The following AOAH variants were observed in gnomAD, a reference collection of about 807,000 sequenced individuals.
AOAH encodes the protein acyloxyacyl hydrolase (neutrophil).
Under a neutral mutation model 92.2 loss-of-function variants are expected in AOAH, and 64 were observed. That is an observed-to-expected ratio of 0.69 (90% CI 0.57 to 0.86). The LOEUF (loss-of-function observed/expected upper bound fraction) is 0.86, where lower values mean the gene tolerates loss of function less well. Ranked by LOEUF, AOAH falls within the 40% of genes least tolerant of loss-of-function variation. The pLI is 0.00. For missense variants in AOAH, 656 were observed against 694.6 expected (o/e 0.94, Z 0.62); for synonymous variants, 263 against 254.5 (o/e 1.03, Z -0.32).
Position 36,558,424 on chromosome 7 carries a change from C to T in AOAH, c.1022-8949G>A, listed in dbSNP as rs536162876. On this transcript the variant is annotated intron_variant, in intron 13 of 20. Transcript: ENST00000617537. ...GGGGGTGCCTCCCAGTTAGGCTGCT[C>T]GGGGGTCAGGGGTCAGGGACCTACT... 5.4e-3 allele frequency among the ~76,000 whole-genome samples: 826 copies of T among 152,052 alleles called. 6 individuals carry two copies. Among genetic ancestry groups the T allele is most frequent in the Middle Eastern group, 0.041 (12 of 294 alleles).
chr7:36,687,040 T>C (rs1797073189), intron 1 of AOAH, among the ~76,000 whole-genome samples: 1 of 152,162 alleles, frequency 6.6e-6, no homozygotes, highest in Non-Finnish European at 1.5e-5. Flanking sequence ...CTGCAGTAGA[T>C]GGCTGCAGAA....
intron 6 of AOAH, among the ~76,000 whole-genome samples, chr7:36,625,963 G>T (rs888815511): frequency 1.3e-5 from 2 of 152,170 alleles, no homozygotes; most frequent in Non-Finnish European, 2.9e-5. Context: ...AAGAAATGCG[G>T]AAAAAGCTTG....
intron 6 of AOAH, among the ~76,000 whole-genome samples, chr7:36,631,333 G>C (rs982137408): frequency 4.1e-5 from 6 of 148,122 alleles, no homozygotes; most frequent in Non-Finnish European, 8.9e-5. Flanking sequence ...GGCAACAAGA[G>C]CGACACTCCA....
intron 19 of AOAH, among the ~76,000 whole-genome samples, chr7:36,527,519 G>A (rs760526718): frequency 4.6e-5 from 7 of 152,148 alleles, no homozygotes; most frequent in Admixed American, 2.0e-4. Flanking sequence ...CTTCACAGGC[G>A]TGAATGGAGC....
At chr7:36,543,948 T>C (rs1275764411) in intron 15 of AOAH, among the ~76,000 whole-genome samples, 18 of 36,512 alleles carry the variant, frequency 4.9e-4, no homozygotes, top group Admixed American at 3.6e-3. Context: ...TCTTTCTTTC[T>C]TTTTTTTTTT....
At chr7:36,567,399 G>A (rs1292195516) in intron 13 of AOAH, among the ~76,000 whole-genome samples, 1 of 152,188 alleles carries the variant, frequency 6.6e-6, no homozygotes, top group Non-Finnish European at 1.5e-5. Flanking sequence ...CCTTGGGCAA[G>A]TTACTTAACC....
intron 11 of AOAH, among the ~76,000 whole-genome samples, chr7:36,612,720 A>G (rs1791549930): frequency 6.6e-6 from 1 of 152,206 alleles, no homozygotes; most frequent in Admixed American, 6.5e-5. Flanking sequence ...CTATTTCACC[A>G]TATTTTTGCT....
chr7:36,609,167 G>A (rs1583932763), intron 11 of AOAH, among the ~76,000 whole-genome samples: 1 of 152,110 alleles, frequency 6.6e-6, no homozygotes, highest in Non-Finnish European at 1.5e-5. Flanking sequence ...AGGGTGCATC[G>A]TCCACTCTTG....
At chr7:36,670,066 G>GT (rs200284787) in intron 3 of AOAH, among the ~76,000 whole-genome samples, 33,461 of 150,232 alleles carry the variant, frequency 0.22, 4,109 homozygotes, top group African/African-American at 0.32. Flanking sequence ...TCCTTTTTTT[G>GT]TTTTTTTTTT....
chr7:36,640,739 A>C (rs1171621207), intron 4 of AOAH, among the ~76,000 whole-genome samples: 1 of 152,140 alleles, frequency 6.6e-6, no homozygotes, highest in East Asian at 1.9e-4. Flanking sequence ...AGAAAATGGC[A>C]ATTGACTCTA....
intron 1 of AOAH, among the ~76,000 whole-genome samples, chr7:36,715,399 C>A (rs2117001488): frequency 6.6e-6 from 1 of 152,138 alleles, no homozygotes; most frequent in East Asian, 1.9e-4. Flanking sequence ...ACCATACTGC[C>A]CAAGGTAATT....
At chr7:36,554,185 T>A (rs1192373020) in intron 13 of AOAH, among the ~76,000 whole-genome samples, 1 of 152,250 alleles carries the variant, frequency 6.6e-6, no homozygotes, top group Non-Finnish European at 1.5e-5. Context: ...GGGATCCAGT[T>A]TCAGCTTTCT....
At chr7:36,694,941 G>A (rs1273815617) in intron 1 of AOAH, among the ~76,000 whole-genome samples, 2 of 103,756 alleles carry the variant, frequency 1.9e-5, no homozygotes, top group African/African-American at 7.0e-5. Context: ...AGGGAGAGAG[G>A]GAGAGAAAGA....
intron 2 of AOAH, among the ~76,000 whole-genome samples, chr7:36,685,877 G>A (rs1291958159): frequency 2.0e-5 from 3 of 152,056 alleles, no homozygotes; most frequent in African/African-American, 7.2e-5. Flanking sequence ...TGCATATTAT[G>A]ACTAAACGGA....
chr7:36,558,001 C>T lies in AOAH; in HGVS notation c.1022-8526G>A, dbSNP rs370980251. Among the ~76,000 whole-genome samples, 30 of 152,170 alleles carry T rather than the reference C, an allele frequency of 2.0e-4. No individual in the cohort carries two copies. The East Asian group carries it at 4.3e-3, about 22-fold the overall frequency. On this transcript the variant is annotated intron_variant, in intron 13 of 20. Coordinates refer to ENST00000617537, the MANE Select transcript of AOAH (RefSeq NM_001637.4). ...CTCTCAACTCGTCAAAGTCATTCTC[C>T]GTCCAGCTTTGTTCCATTGCTGGTG...
Position 36,536,856 on chromosome 7 carries a change from A to G in AOAH, c.1306+3463T>C, listed in dbSNP as rs559106502. 5.7e-5 allele frequency among the ~76,000 whole-genome samples: 8 copies of G among 139,644 alleles called. 1 individual carries two copies. In the South Asian group the frequency reaches 1.9e-3, roughly 33 times the overall value. The allele number at this position is 139,644 out of a possible 152,430, so 91.6% of individuals were successfully genotyped here. ...CCCAGCTACTCGGGGGAGCTGAGGCAGGAGCATTGCTTGAAGCTGGGAGGC... is the reference window on the plus strand; with the variant it reads ...CCCAGCTACTCGGGGGAGCTGAGGCGGGAGCATTGCTTGAAGCTGGGAGGC... On this transcript the variant is annotated intron_variant, in intron 16 of 20. Coordinates refer to ENST00000617537, the MANE Select transcript of AOAH (RefSeq NM_001637.4).
At chr7:36,710,562 T>C (rs1798703031) in intron 1 of AOAH, among the ~76,000 whole-genome samples, 1 of 152,220 alleles carries the variant, frequency 6.6e-6, no homozygotes, top group South Asian at 2.1e-4. Flanking sequence ...TCAATTATGT[T>C]ATGTCCAGGC....
At chr7:36,591,951 G>A (rs1466675954) in intron 12 of AOAH, among the ~76,000 whole-genome samples, 1 of 152,168 alleles carries the variant, frequency 6.6e-6, no homozygotes, top group Non-Finnish European at 1.5e-5. Flanking sequence ...AGTGACTCCA[G>A]TAAAGATTTA....
intron 19 of AOAH, among the ~76,000 whole-genome samples, 177 bp from the exon 20 acceptor site, chr7:36,522,292 T>C (rs540960674): frequency 7.2e-4 from 110 of 152,352 alleles, no homozygotes; most frequent in African/African-American, 2.6e-3. Flanking sequence ...ATCTTCCCGC[T>C]GTGTGTGTGC....
Sources: allele counts gnomAD v4.1 joint callset (sites outside exome capture counted in the v4.1 genomes callset), GRCh38; gene constraint gnomAD v4.1.1; transcripts MANE v1.5; gene names NCBI Gene and HGNC (gene_info 2026-07-23, HGNC 2026-07-21).